CSTPP1: variants seen among roughly 807,000 people sequenced by gnomAD.
The protein encoded by CSTPP1 is UPF0705 protein C11orf49.
At chr11:47,110,077 C>T in the CSTPP1 span, among the ~76,000 whole-genome samples, 1 of 152,332 alleles carries the variant, frequency 6.6e-6, no homozygotes, top group Middle Eastern at 3.4e-3. Context: ...CCCTCAGTCA[C>T]TGTGTATCAC....
chr11:46,983,925 C>A, the CSTPP1 span, among the ~76,000 whole-genome samples: 91 of 152,266 alleles, frequency 6.0e-4, no homozygotes, highest in Non-Finnish European at 1.2e-3. Flanking sequence ...AAAAGAACAC[C>A]AGGGCTTTCT....
At chr11:47,014,261 GAGAA>G in the CSTPP1 span, among the ~76,000 whole-genome samples, 20 of 145,822 alleles carry the variant, frequency 1.4e-4, no homozygotes, top group East Asian at 1.2e-3. Flanking sequence ...GAAGGAAGGA[GAGAA>G]AGAAAGAGAA....
the CSTPP1 span, chr11:47,159,989 A>G: frequency 3.4e-6 from 1 of 295,560 alleles, no homozygotes; most frequent in Non-Finnish European, 6.6e-6. Context: ...GGACAACAAG[A>G]GCGAAACTCC....
the CSTPP1 span, among the ~76,000 whole-genome samples, chr11:47,101,145 C>G: frequency 7.0e-6 from 1 of 143,306 alleles, no homozygotes; most frequent in African/African-American, 2.6e-5. Context: ...ATTACAGGTG[C>G]CTGCCACCAC....
the CSTPP1 span, among the ~76,000 whole-genome samples, chr11:47,024,255 G>A: frequency 6.6e-6 from 1 of 151,850 alleles, no homozygotes; most frequent in Non-Finnish European, 1.5e-5. Context: ...ATAGAGACGG[G>A]ACCTCACCAT....
the CSTPP1 span, among the ~76,000 whole-genome samples, chr11:46,939,631 CATAG>C: frequency 0.14 from 16,237 of 116,800 alleles, 1,524 homozygotes; most frequent in African/African-American, 0.28. Context: ...CTCTAAAATG[CATAG>C]ATAGATAGAT....
chr11:47,036,206 ATTATATT>A, the CSTPP1 span, among the ~76,000 whole-genome samples: 1 of 53,308 alleles, frequency 1.9e-5, no homozygotes, highest in African/African-American at 5.7e-5. Context: ...TATATTATAT[ATTATATT>A]AATATATAAT....
At chr11:47,139,980 C>G in the CSTPP1 span, among the ~76,000 whole-genome samples, 3 of 152,234 alleles carry the variant, frequency 2.0e-5, no homozygotes, top group South Asian at 2.1e-4. Flanking sequence ...AGAATCACCT[C>G]GCTCCTTTTG....
At chr11:47,140,838 C>T in the CSTPP1 span, among the ~76,000 whole-genome samples, 3 of 151,988 alleles carry the variant, frequency 2.0e-5, no homozygotes, top group Non-Finnish European at 2.9e-5. Flanking sequence ...CGGTGGCTCA[C>T]GCCTGTAATC....
At chr11:47,159,418 G>A in the CSTPP1 span, among the ~76,000 whole-genome samples, 1 of 152,118 alleles carries the variant, frequency 6.6e-6, no homozygotes, top group Non-Finnish European at 1.5e-5. Context: ...GCTGAGGCAT[G>A]AGAATCGGTT....
At chr11:46,988,136 T>C in the CSTPP1 span, among the ~76,000 whole-genome samples, 2 of 152,164 alleles carry the variant, frequency 1.3e-5, no homozygotes, top group African/African-American at 4.8e-5. Context: ...GTATAACCAC[T>C]GTGGAGAACA....
At chr11:47,162,303 T>C in the CSTPP1 span, 2 of 966,184 alleles carry the variant, frequency 2.1e-6, no homozygotes, top group African/African-American at 3.5e-5. Flanking sequence ...GAGTTTGGGT[T>C]TTCGGTGCTT....
the CSTPP1 span, among the ~76,000 whole-genome samples, chr11:47,135,301 C>A: frequency 6.6e-6 from 1 of 152,078 alleles, no homozygotes; most frequent in Admixed American, 6.6e-5. Flanking sequence ...GACTTTAACC[C>A]TGAGAAGTGT....
At chr11:47,161,152 G>A in the CSTPP1 span, 1 of 1,614,206 alleles carries the variant, frequency 6.2e-7, no homozygotes, top group Non-Finnish European at 8.5e-7. Context: ...AGGGGGATCT[G>A]ATGCACGACC....
the CSTPP1 span, among the ~76,000 whole-genome samples, chr11:47,062,604 T>C: frequency 6.6e-6 from 1 of 152,198 alleles, no homozygotes; most frequent in East Asian, 1.9e-4. Context: ...TATTCCAAAA[T>C]AAGGATTTGA....
the CSTPP1 span, among the ~76,000 whole-genome samples, chr11:46,973,534 A>C: frequency 6.6e-6 from 1 of 152,134 alleles, no homozygotes; most frequent in Admixed American, 6.5e-5. Context: ...CAACATCCTC[A>C]CCATAGAATC....
chr11:47,059,823 C>T, the CSTPP1 span, among the ~76,000 whole-genome samples: 3 of 152,082 alleles, frequency 2.0e-5, no homozygotes, highest in African/African-American at 7.2e-5. Flanking sequence ...ACACAGAGTC[C>T]GCTGGGCGCG....
the CSTPP1 span, among the ~76,000 whole-genome samples, chr11:47,062,651 A>T: frequency 2.0e-5 from 3 of 152,248 alleles, no homozygotes; most frequent in Non-Finnish European, 4.4e-5. Context: ...AACTTTAAAC[A>T]CTGGTGAATA....
the CSTPP1 span, among the ~76,000 whole-genome samples, chr11:47,091,336 T>C: frequency 1.8e-4 from 27 of 150,930 alleles, no homozygotes; most frequent in African/African-American, 6.6e-4. Context: ...GTCACACCAC[T>C]GCACTCCAGC....
Sources: gnomAD v4.1 joint callset for allele counts (sites outside exome capture counted in the v4.1 genomes callset) on GRCh38, gnomAD v4.1.1 for gene constraint, MANE v1.5 for transcripts, NCBI Gene and HGNC (gene_info 2026-07-23, HGNC 2026-07-21) for gene names.